The following LINGO2 variants were observed in gnomAD, a reference collection of about 807,000 sequenced individuals.
LINGO2 encodes leucine-rich repeat and immunoglobulin-like domain-containing nogo receptor-interacting protein 2.
A neutral mutation model predicts 30.6 loss-of-function variants in LINGO2; 14 were observed. The ratio of observed to expected loss-of-function variants is 0.46; its 90% confidence interval spans 0.30 to 0.72. LINGO2 has a LOEUF of 0.72. LINGO2 is among the 30% of genes least tolerant of loss of function. The pLI, the probability that LINGO2 is intolerant of heterozygous loss-of-function variation, is 0.07. For synonymous variants in LINGO2, 317 were observed against 288.5 expected, an observed-to-expected ratio of 1.10 and a Z score of -1.00; for missense variants, 729 against 751.7, an observed-to-expected ratio of 0.97 and a Z score of 0.35.
rs552350858 is a variant in LINGO2, at chr9:28,234,683, C to T, written c.-87+60525G>A. 1.8e-4 allele frequency among the ~76,000 whole-genome samples: 27 copies of T among 152,312 alleles called. No individual in the cohort carries two copies. In the South Asian group the frequency reaches 4.6e-3, roughly 26 times the overall value. ...CTCCAAGTTCTTCAGCTTTTGGAAT[C>T]TTGGACTTACGCCAGTGGTTTACCA... On this transcript the variant is annotated intron_variant, in intron 4 of 5. Transcript: ENST00000379992.
At chr9:27,949,621 T>A (rs1414629978) in exon 6 of LINGO2, 1 of 1,614,012 alleles carries the variant, frequency 6.2e-7, no homozygotes, top group Non-Finnish European at 8.5e-7. Flanking sequence ...TTGTTAATGC[T>A]CAAGACCTCC....
intron 3 of LINGO2, among the ~76,000 whole-genome samples, chr9:28,313,104 T>C (rs117146116): frequency 0.015 from 2,237 of 152,192 alleles, 31 homozygotes; most frequent in Non-Finnish European, 0.022. Flanking sequence ...TGAATAAAAG[T>C]TTAATCACTC....
At chr9:28,798,909 T>C in the LINGO2 span, among the ~76,000 whole-genome samples, 3 of 152,084 alleles carry the variant, frequency 2.0e-5, no homozygotes, top group East Asian at 5.8e-4. Context: ...ATATGAATAA[T>C]GAATTGTAAA....
chr9:27,989,757 T>G (rs1331651119), intron 5 of LINGO2, among the ~76,000 whole-genome samples: 1 of 152,032 alleles, frequency 6.6e-6, no homozygotes, highest in East Asian at 1.9e-4. Flanking sequence ...ACAAGACTGG[T>G]TATTTTTCTC....
At chr9:28,876,673 CA>C in the LINGO2 span, among the ~76,000 whole-genome samples, 1 of 152,040 alleles carries the variant, frequency 6.6e-6, no homozygotes, top group Non-Finnish European at 1.5e-5. Flanking sequence ...GGGTTGGTTC[CA>C]AGTCTTTGCT....
chr9:28,731,331 T>C, the LINGO2 span, among the ~76,000 whole-genome samples: 1 of 152,028 alleles, frequency 6.6e-6, no homozygotes, highest in Admixed American at 6.6e-5. Flanking sequence ...AAACAATCTG[T>C]GGTACATTCA....
chr9:28,555,417 G>C (rs1471182018), intron 1 of LINGO2, among the ~76,000 whole-genome samples: 8 of 151,202 alleles, frequency 5.3e-5, no homozygotes, highest in Non-Finnish European at 8.8e-5. Flanking sequence ...TAAATTCCTT[G>C]ACACATACAC....
intron 1 of LINGO2, among the ~76,000 whole-genome samples, chr9:28,512,489 C>T (rs1820429131): frequency 2.0e-5 from 3 of 150,554 alleles, no homozygotes; most frequent in African/African-American, 7.4e-5. Context: ...TGCTAAGAGC[C>T]TGAACCTGTT....
intron 2 of LINGO2, among the ~76,000 whole-genome samples, chr9:28,435,130 A>G (rs1488336620): frequency 6.6e-6 from 1 of 152,132 alleles, no homozygotes; most frequent in Non-Finnish European, 1.5e-5. Context: ...TCAGTATACA[A>G]ATATTAAAAC....
chr9:27,991,275 A>G (rs1442679433), intron 5 of LINGO2, among the ~76,000 whole-genome samples: 1 of 152,034 alleles, frequency 6.6e-6, no homozygotes, highest in Non-Finnish European at 1.5e-5. Context: ...GAGGTGAGTT[A>G]TTGAGGGTGT....
At chr9:29,107,387 C>T in the LINGO2 span, among the ~76,000 whole-genome samples, 12 of 151,932 alleles carry the variant, frequency 7.9e-5, no homozygotes, top group Non-Finnish European at 7.4e-5. Flanking sequence ...ATGAATCGTA[C>T]GATTTTAAGA....
chr9:28,285,452 C>A (rs1043937619), intron 4 of LINGO2, among the ~76,000 whole-genome samples: 1 of 121,326 alleles, frequency 8.2e-6, no homozygotes, highest in Non-Finnish European at 1.6e-5. Context: ...GTCTCCCAGG[C>A]TGGAGTGCAG....
the LINGO2 span, among the ~76,000 whole-genome samples, chr9:28,790,478 GCC>G: frequency 1.3e-5 from 2 of 150,504 alleles, no homozygotes; most frequent in Non-Finnish European, 3.0e-5. Flanking sequence ...ACAGGCGCCC[GCC>G]ACCACGCCCG....
the LINGO2 span, among the ~76,000 whole-genome samples, chr9:29,070,970 G>A: frequency 6.6e-6 from 1 of 150,448 alleles, no homozygotes; most frequent in Middle Eastern, 3.5e-3. Flanking sequence ...CTACAATCTT[G>A]TATTTTAAAC....
rs376658299 is a variant in LINGO2, at chr9:27,974,259, A to G, written c.-35-23553T>C. Among the ~76,000 whole-genome samples the G allele has an allele frequency of 4.6e-4, 70 of 152,250 alleles. No individual in the cohort carries two copies. In the South Asian group the frequency reaches 0.014, roughly 31 times the overall value. ...AGGAGAGATGTTACCTCAAGCTGCAATCCTCCATGATGGGTCCTCTCTACT... is the reference window on the plus strand; with the variant it reads ...AGGAGAGATGTTACCTCAAGCTGCAGTCCTCCATGATGGGTCCTCTCTACT... On this transcript the variant is annotated intron_variant, in intron 5 of 5. Coordinates refer to ENST00000379992, the Ensembl canonical transcript of LINGO2.
chr9:28,220,324 G>A (rs1820913326), intron 4 of LINGO2, among the ~76,000 whole-genome samples: 1 of 152,048 alleles, frequency 6.6e-6, no homozygotes. Flanking sequence ...CCTTTAAAAA[G>A]TATAATACTG....
chr9:28,499,696 T>C (rs1029255841), intron 1 of LINGO2, among the ~76,000 whole-genome samples: 10 of 152,168 alleles, frequency 6.6e-5, no homozygotes, highest in Admixed American at 3.9e-4. Flanking sequence ...GCACAGTACA[T>C]GGCCATAGTG....
chr9:28,480,291 T>C (rs534130542), intron 1 of LINGO2, among the ~76,000 whole-genome samples: 1 of 152,036 alleles, frequency 6.6e-6, no homozygotes, highest in East Asian at 1.9e-4. Context: ...TTTGCACATA[T>C]GTTCAAATGC....
At chr9:28,789,756 T>C in the LINGO2 span, among the ~76,000 whole-genome samples, 1 of 152,170 alleles carries the variant, frequency 6.6e-6, no homozygotes, top group Non-Finnish European at 1.5e-5. Flanking sequence ...TGAGAAAGCA[T>C]CCATGTTCCT....
Sources: gnomAD v4.1 joint callset for allele counts (sites outside exome capture counted in the v4.1 genomes callset) on GRCh38, gnomAD v4.1.1 for gene constraint, MANE v1.5 for transcripts, NCBI Gene and HGNC (gene_info 2026-07-23, HGNC 2026-07-21) for gene names.